KCNMA1: variants seen among roughly 807,000 people sequenced by gnomAD.
KCNMA1 encodes potassium calcium-activated channel subfamily M alpha 1.
KCNMA1 carries 29 observed loss-of-function variants against 140.0 expected under a neutral mutation model. The ratio of observed to expected loss-of-function variants is 0.21; its 90% CI spans 0.15 to 0.28. The LOEUF (loss-of-function observed/expected upper bound fraction) is 0.28, where lower values mean the gene tolerates loss of function less well. Ranked by LOEUF, KCNMA1 falls within the 10% of genes least tolerant of loss-of-function variation. The probability of loss-of-function intolerance (pLI) is 1.00; values close to 1 mark genes in which losing one functional copy is unlikely to be tolerated. For synonymous variants in KCNMA1, 612 were observed against 611.9 expected (o/e 1.00, Z 0.00); for missense variants, 880 against 1,602.2 (o/e 0.55, Z 7.70).
intron 15 of KCNMA1, among the ~76,000 whole-genome samples, chr10:77,032,587 GA>G (rs953499345): frequency 3.3e-5 from 5 of 151,620 alleles, no homozygotes; most frequent in East Asian, 3.9e-4. Flanking sequence ...CTTTTTTCAA[GA>G]AAAAAAATGC....
chr10:77,594,417 C>A (rs1465603902), intron 1 of KCNMA1, among the ~76,000 whole-genome samples: 1 of 152,194 alleles, frequency 6.6e-6, no homozygotes, highest in African/African-American at 2.4e-5. Context: ...AGAGTGGGTG[C>A]TCTTGTGTCC....
At position 77,382,274 on chromosome 10, in the gene KCNMA1, T is replaced by C. The variant is rs1275636213; in HGVS notation, c.540+21588A>G. Among the ~76,000 whole-genome samples the C allele has an allele frequency of 2.0e-5, 3 of 152,324 alleles. No individual in the cohort carries two copies. In the East Asian group the frequency reaches 5.8e-4, roughly 29 times the overall value. ...CCCTGCAGCCCCTAATGAGAGGTGA[T>C]CCTTGTTCAACTCCTGCTATGTGCT... On this transcript the variant is annotated intron_variant, in intron 2 of 27. Transcript: ENST00000286628.
chr10:77,615,166 C>T (rs118097930), intron 1 of KCNMA1, among the ~76,000 whole-genome samples: 1,829 of 152,288 alleles, frequency 0.012, 22 homozygotes, highest in Middle Eastern at 0.041. Flanking sequence ...AACTAAAAAG[C>T]CCACCAGGCA....
exon 28 of KCNMA1, chr10:76,870,973 T>C (rs1440064510): frequency 7.9e-5 from 12 of 152,362 alleles, no homozygotes; most frequent in Admixed American, 7.9e-4. Flanking sequence ...CTCATTTCCC[T>C]GGTTCTGGAG....
chr10:77,265,960 A>G (rs1197604994), intron 2 of KCNMA1, among the ~76,000 whole-genome samples: 1 of 151,996 alleles, frequency 6.6e-6, no homozygotes, highest in Non-Finnish European at 1.5e-5. Context: ...GGGCACCTGT[A>G]ATCCCTGCTA....
chr10:77,400,530 C>T (rs1256323357), intron 2 of KCNMA1, among the ~76,000 whole-genome samples: 1 of 152,168 alleles, frequency 6.6e-6, no homozygotes, highest in Non-Finnish European at 1.5e-5. Context: ...AAAGAAAAGG[C>T]ATTATCTTCG....
At chr10:77,351,389 C>G (rs1459795708) in intron 2 of KCNMA1, among the ~76,000 whole-genome samples, 3 of 152,204 alleles carry the variant, frequency 2.0e-5, no homozygotes, top group African/African-American at 7.2e-5. Flanking sequence ...TAGATATTCT[C>G]TGCCAGACTC....
chr10:77,227,452 C>T (rs1599294198), intron 3 of KCNMA1, among the ~76,000 whole-genome samples: 1 of 152,156 alleles, frequency 6.6e-6, no homozygotes, highest in Non-Finnish European at 1.5e-5. Flanking sequence ...AACAGAACCA[C>T]CTTTGTAGAT....
At chr10:76,974,619 GA>G in intron 19 of KCNMA1, 10 of 1,299,432 alleles carry the variant, frequency 7.7e-6, no homozygotes, top group Non-Finnish European at 1.1e-5. Context: ...AATCCATAGT[GA>G]AATTTCTTTT....
chr10:77,420,765 C>T (rs2096849971), intron 1 of KCNMA1, among the ~76,000 whole-genome samples: 1 of 152,074 alleles, frequency 6.6e-6, no homozygotes, highest in Admixed American at 6.5e-5. Flanking sequence ...ACACAAAGGG[C>T]CTGGCAGGAG....
At chr10:77,111,273 T>C (rs1162481675) in intron 7 of KCNMA1, among the ~76,000 whole-genome samples, 1 of 152,224 alleles carries the variant, frequency 6.6e-6, no homozygotes, top group Non-Finnish European at 1.5e-5. Context: ...ACAGGGCCTG[T>C]AGACGGTGGC....
chr10:77,038,199 C>A (rs1260044575), intron 15 of KCNMA1, among the ~76,000 whole-genome samples: 4 of 152,114 alleles, frequency 2.6e-5, no homozygotes, highest in Admixed American at 2.6e-4. Context: ...ACCAAGCGCT[C>A]CGCCTCCCTC....
intron 1 of KCNMA1, among the ~76,000 whole-genome samples, chr10:77,526,409 G>A (rs1265812682): frequency 2.0e-5 from 3 of 152,224 alleles, no homozygotes; most frequent in Non-Finnish European, 2.9e-5. Context: ...GTACACAGTT[G>A]AATCTTTCTA....
intron 2 of KCNMA1, among the ~76,000 whole-genome samples, chr10:77,365,420 G>A (rs1006789121): frequency 1.3e-5 from 2 of 152,170 alleles, no homozygotes; most frequent in Non-Finnish European, 2.9e-5. Context: ...CATAGACGAT[G>A]GCTAAAGCAG....
intron 1 of KCNMA1, among the ~76,000 whole-genome samples, chr10:77,624,015 T>C (rs2092045752): frequency 2.0e-5 from 3 of 152,196 alleles, no homozygotes; most frequent in Admixed American, 2.0e-4. Context: ...GGGGGAGTTT[T>C]TTTCGGAGGT....
rs1388380564 is a variant in KCNMA1, at chr10:76,914,978, A to C, written c.2974T>G (p.Ser992Ala). 6.2e-7 allele frequency: 1 copy of C among 1,613,676 alleles called. No individual in the cohort carries two copies. Among genetic ancestry groups the C allele is most frequent in the South Asian group, 1.1e-5 (1 of 91,078 alleles). Residue 992 changes from serine (S) to alanine (A), a missense_variant, in exon 24 of 28, where the codon TCC becomes GCC. This residue lies in a region of KCNMA1 where 44 missense variants were observed against 58.2 expected (regional missense o/e 0.76). Transcript: ENST00000286628. Reference sequence around the variant, plus strand: ...GGGATGTTGACCCCAGTTGTGATGGATGGTTGACGTAACATCCCGTGCACT... The same window carrying C: ...GGGATGTTGACCCCAGTTGTGATGGCTGGTTGACGTAACATCCCGTGCACT... ...SPVHGMLRQP[S>A]ITTGVNIPII...
intron 3 of KCNMA1, among the ~76,000 whole-genome samples, chr10:77,221,293 T>C (rs913608712): frequency 6.6e-6 from 1 of 152,066 alleles, no homozygotes; most frequent in Non-Finnish European, 1.5e-5. Context: ...CTAAAAAAAT[T>C]TAACGAATCT....
At chr10:77,086,952 C>T (rs1595675728) in intron 10 of KCNMA1, among the ~76,000 whole-genome samples, 1 of 152,186 alleles carries the variant, frequency 6.6e-6, no homozygotes, top group East Asian at 1.9e-4. Context: ...AGAGGGTGCC[C>T]AGATCCAGTG....
At position 77,326,480 on chromosome 10, in the gene KCNMA1, G is replaced by C. The variant is rs1366647635; in HGVS notation, c.541-75224C>G. On this transcript the variant is annotated intron_variant, in intron 2 of 27. Coordinates refer to ENST00000286628, the MANE Select transcript of KCNMA1 (RefSeq NM_001161352.2). ...TAGCACAGAATCTGGCACACAGTAAGTGCTGAAAATAGATTTGTCTGATGG... is the reference window on the plus strand; with the variant it reads ...TAGCACAGAATCTGGCACACAGTAACTGCTGAAAATAGATTTGTCTGATGG... 5.9e-5 allele frequency among the ~76,000 whole-genome samples: 9 copies of C among 152,162 alleles called. No individual in the cohort carries two copies. The East Asian group carries it at 1.7e-3, about 29-fold the overall frequency.
Sources: allele counts gnomAD v4.1 joint callset (sites outside exome capture counted in the v4.1 genomes callset), GRCh38; gene constraint gnomAD v4.1.1; regional missense constraint gnomAD v4.1.1; transcripts MANE v1.5; gene names NCBI Gene and HGNC (gene_info 2026-07-23, HGNC 2026-07-21).